HEATR6: variants seen among roughly 807,000 people sequenced by gnomAD.
The protein encoded by HEATR6 is HEAT repeat containing 6, also known as HEAT repeat-containing protein 6.
In HEATR6, 106 loss-of-function variants were observed where a neutral mutation model predicts 132.8. The ratio of observed to expected loss-of-function variants is 0.80; its 90% CI spans 0.68 to 0.94. HEATR6 has a LOEUF of 0.94. HEATR6 is among the 40% of genes least tolerant of loss of function. HEATR6 has a pLI of 0.00. For synonymous variants in HEATR6, 529 were observed against 537.8 expected (o/e 0.98, Z 0.23); for missense variants, 1,339 against 1,425.1 (o/e 0.94, Z 0.97).
At chr17:60,074,246 T>C in intron 2 of HEATR6, 1 of 406,070 alleles carries the variant, frequency 2.5e-6, no homozygotes, top group Non-Finnish European at 3.4e-6. Flanking sequence ...GAATACACAG[T>C]GAACCAATAT....
Position 60,042,077 on chromosome 17 carries a change from G to A in HEATR6, c.*1486C>T, listed in dbSNP as rs1405945028. 6.6e-6 allele frequency among the ~76,000 whole-genome samples: 1 copy of A among 152,190 alleles called. No individual in the cohort carries two copies. Among genetic ancestry groups the A allele is most frequent in the Non-Finnish European group, 1.5e-5 (1 of 68,038 alleles). ...AAAATATAATTGGAAACCCCTCTTT[G>A]TAACCAACTAACCAAATGATCTTTT... On this transcript the variant is annotated 3_prime_UTR_variant, in exon 20 of 20. Transcript: ENST00000184956.
intron 10 of HEATR6, 63 bp from the exon 11 acceptor site, chr17:60,059,584 TGCA>T (rs1421007790): frequency 8.7e-7 from 1 of 1,146,184 alleles, no homozygotes; most frequent in Admixed American, 2.3e-5. Flanking sequence ...GAACAAATTT[TGCA>T]GCATTTAATT....
intron 7 of HEATR6, 125 bp from the exon 8 acceptor site, chr17:60,067,857 AAAGAG>A: frequency 2.6e-6 from 2 of 778,218 alleles, no homozygotes; most frequent in Non-Finnish European, 3.9e-6. Context: ...AGAAAGAAGA[AAAGAG>A]AAAAGAAAAA....
chr17:60,057,372 GA>G lies in HEATR6; in HGVS notation c.1754del (p.Leu585ProfsTer5). The G allele has an allele frequency of 9.3e-6, 15 of 1,609,334 alleles. No individual in the cohort carries two copies. Among genetic ancestry groups the G allele is most frequent in the African/African-American group, 1.3e-5 (1 of 74,940 alleles). ...DVNVRVSSLT[L>X]LGAIVSTHAP... ...CGTGGGTGGACACTATAGCTCCCAA[GA>G]GTGTGAGACTTGACACACGAACATT... On this transcript the variant is annotated frameshift_variant, in exon 12 of 20. Coordinates refer to ENST00000184956, the MANE Select transcript of HEATR6 (RefSeq NM_022070.5).
rs199893805 is a variant in HEATR6, at chr17:60,043,987, C to T, written c.3122G>A (p.Arg1041Gln). The T allele has an allele frequency of 5.7e-5, 92 of 1,613,940 alleles. No homozygotes were observed. The highest frequency in any genetic ancestry group is 7.1e-5 in the Non-Finnish European group (84 of 1,180,026). ...EQYGSVDQYARIWNALVTALQ... is the reference protein window; with the variant it reads ...EQYGSVDQYAQIWNALVTALQ... ...AGCGGTGACCAATGCATTCCAGATC[C>T]GAGCATACTGGTCAACAGACCCGTA... Residue 1041 changes from arginine (R) to glutamine (Q), a missense_variant, in exon 20 of 20, where the codon CGG becomes CAG. Physicochemically the swap from Arg to Gln is conservative, Grantham distance 43. Transcript: ENST00000184956.
rs868590848 is a variant in HEATR6, at chr17:60,057,157, C to G, written c.1970G>C (p.Cys657Ser). 2.5e-6 allele frequency: 4 copies of G among 1,614,178 alleles called. No individual in the cohort carries two copies. The highest frequency in any genetic ancestry group is 2.5e-6 in the Non-Finnish European group (3 of 1,180,032). The change falls in exon 12 of 20, where the codon TGC becomes TCC. Residue 657 changes from cysteine to serine, a missense_variant. Cys to Ser is a moderately radical substitution (Grantham distance 112, BLOSUM62 -1). Coordinates refer to ENST00000184956, the MANE Select transcript of HEATR6 (RefSeq NM_022070.5). ...CTTGGGCAGTACGACAATGGAAATG[C>G]AGAGTCGAATGAGCCAGCAGGGCTC... ...SSEPCWLIRLCISIVVLPKED... is the reference protein window; with the variant it reads ...SSEPCWLIRLSISIVVLPKED...
At chr17:60,063,150 G>C (rs2083221141) in intron 9 of HEATR6, 1 of 152,182 alleles carries the variant, frequency 6.6e-6, no homozygotes, top group African/African-American at 2.4e-5. Context: ...CCATATGAGA[G>C]AAAATCTACC....
In HEATR6 at chr17:60,042,214, G is replaced by T. The variant is rs1170156806; in HGVS notation, c.*1349C>A. Among the ~76,000 whole-genome samples the T allele has an allele frequency of 6.6e-6, 1 of 152,252 alleles. No homozygotes were observed. Among genetic ancestry groups the T allele is most frequent in the African/African-American group, 2.4e-5 (1 of 41,470 alleles). ...GGTAGAAGTCAATGTTGTAGCCTAG[G>T]TTAGAAGGCCCTGCTTGCTGGGAGT... is the stretch of plus-strand genomic sequence containing the variant. On this transcript the variant is annotated 3_prime_UTR_variant, in exon 20 of 20. Transcript: ENST00000184956.
At chr17:60,054,508 G>C (rs565672504) in intron 14 of HEATR6, among the ~76,000 whole-genome samples, 2 of 152,392 alleles carry the variant, frequency 1.3e-5, no homozygotes, top group African/African-American at 4.8e-5. Flanking sequence ...AAGGCTGCCA[G>C]AAGCCTTGGA....
At position 60,046,020 on chromosome 17, in the gene HEATR6, C is replaced by T; in HGVS notation, c.2974+5G>A. The T allele has an allele frequency of 1.2e-6, 2 of 1,610,266 alleles. No individual in the cohort carries two copies. The highest frequency in any genetic ancestry group is 1.7e-6 in the Non-Finnish European group (2 of 1,176,854). ...CCACCAGGGAGTGAAGGGAAACTTT[C>T]TTACCTAAAGGAAGGGCAGGATTTT... On this transcript the variant is annotated splice_donor_5th_base_variant and intron_variant, in intron 19 of 19. Transcript: ENST00000184956.
At chr17:60,046,760 T>C (rs1369840354) in intron 18 of HEATR6, among the ~76,000 whole-genome samples, 1 of 152,210 alleles carries the variant, frequency 6.6e-6, no homozygotes, top group East Asian at 1.9e-4. Context: ...AGTGAGCACA[T>C]GGTATGGGTC....
At chr17:60,067,951 A>G (rs1420723474) in intron 7 of HEATR6, among the ~76,000 whole-genome samples, 5 of 152,244 alleles carry the variant, frequency 3.3e-5, no homozygotes, top group Non-Finnish European at 7.3e-5. Flanking sequence ...AAGGAATGAA[A>G]TACATGAGAC....
At position 60,054,524 on chromosome 17, in the gene HEATR6, A is replaced by G. The variant is rs144134438; in HGVS notation, c.2289+991T>C. On this transcript the variant is annotated intron_variant, in intron 14 of 19. Transcript: ENST00000184956. Reference sequence around the variant, plus strand: ...AGGCTGCCAGAAGCCTTGGAAGCCCACCCCTTGCACCAGTGTGCACTGGAT... The same window carrying G: ...AGGCTGCCAGAAGCCTTGGAAGCCCGCCCCTTGCACCAGTGTGCACTGGAT... Among the ~76,000 whole-genome samples the G allele has an allele frequency of 4.6e-3, 705 of 152,356 alleles. 9 individuals carry two copies. Among genetic ancestry groups the G allele is most frequent in the African/African-American group, 0.016 (673 of 41,588 alleles).
intron 2 of HEATR6, among the ~76,000 whole-genome samples, chr17:60,075,224 T>G (rs768473673): frequency 8.5e-5 from 13 of 152,170 alleles, no homozygotes; most frequent in Non-Finnish European, 1.5e-4. Flanking sequence ...GGCACAGCCA[T>G]CTTATGACTG....
Position 60,055,531 on chromosome 17 carries a change from C to G in HEATR6, c.2273G>C (p.Arg758Thr). 1 of 1,610,856 alleles carries G rather than the reference C, an allele frequency of 6.2e-7. No individual in the cohort carries two copies. Among genetic ancestry groups the G allele is most frequent in the Middle Eastern group, 1.7e-4 (1 of 5,994 alleles). ...KPDSTAAPDQ[R>T]APVFLVVMFW... Reference sequence around the variant, plus strand: ...TTTATTTACCAAGAAGACTGGTGCTCTCTGATCAGGTGCTGCAGTGGAGTC... The same window carrying G: ...TTTATTTACCAAGAAGACTGGTGCTGTCTGATCAGGTGCTGCAGTGGAGTC... Residue 758 changes from arginine (R) to threonine (T), a missense_variant, in exon 14 of 20, where the codon AGA becomes ACA. Coordinates refer to ENST00000184956, the MANE Select transcript of HEATR6 (RefSeq NM_022070.5).
chr17:60,065,597 T>A (rs1006050422), intron 9 of HEATR6, among the ~76,000 whole-genome samples: 1 of 152,230 alleles, frequency 6.6e-6, no homozygotes, highest in Non-Finnish European at 1.5e-5. Context: ...TGATAAGCCA[T>A]GAGATATCTT....
At chr17:60,048,972 C>CAT (rs1242150061) in intron 16 of HEATR6, among the ~76,000 whole-genome samples, 7 of 59,528 alleles carry the variant, frequency 1.2e-4, no homozygotes, top group South Asian at 4.0e-4. Context: ...AAATAAATAA[C>CAT]ATATATATAT....
At chr17:60,048,942 G>A (rs575056067) in intron 16 of HEATR6, among the ~76,000 whole-genome samples, 33 of 133,748 alleles carry the variant, frequency 2.5e-4, no homozygotes, top group South Asian at 4.6e-4. Flanking sequence ...CAGGCTGTGT[G>A]CTAAGTAATT....
At position 60,059,967 on chromosome 17, in the gene HEATR6, T is replaced by G. The variant is rs1198232139; in HGVS notation, c.1546A>C (p.Ile516Leu). ...AAAAGACATCTGTGCAACTCTCTAA[T>G]GCTGCAAGCGATCATTACGGAGAAG... is the stretch of plus-strand genomic sequence containing the variant. ...TPFSVMIACS[I>L]RELHRCLLLA... The change falls in exon 10 of 20, where the codon ATT becomes CTT. Residue 516 changes from isoleucine to leucine, a missense_variant. Ile to Leu is a conservative substitution (Grantham distance 5, BLOSUM62 2). Coordinates refer to ENST00000184956, the MANE Select transcript of HEATR6 (RefSeq NM_022070.5). 6.2e-7 allele frequency: 1 copy of G among 1,613,932 alleles called. No individual in the cohort carries two copies. Among genetic ancestry groups the G allele is most frequent in the Non-Finnish European group, 8.5e-7 (1 of 1,179,828 alleles).
Sources: gnomAD v4.1 joint callset for allele counts (sites outside exome capture counted in the v4.1 genomes callset) on GRCh38, gnomAD v4.1.1 for gene constraint, MANE v1.5 for transcripts, NCBI Gene and HGNC (gene_info 2026-07-23, HGNC 2026-07-21) for gene names.